Variants in CIMAP1D observed in about 807,000 individuals in gnomAD.
CIMAP1D encodes CIMAP1 family member D, also known as protein CIMAP1D.
the CIMAP1D span, among the ~76,000 whole-genome samples, chr19:478,135 G>C: frequency 1.1e-4 from 16 of 152,306 alleles, no homozygotes; most frequent in Admixed American, 9.8e-4. Flanking sequence ...GATGGGTGCC[G>C]AGGAGGGAGA....
At chr19:472,278 GCTTC>G in the CIMAP1D span, 1 of 533,150 alleles carries the variant, frequency 1.9e-6, no homozygotes. Flanking sequence ...AGCCCTGCCT[GCTTC>G]CTGCCGCACT....
chr19:471,973 C>A, the CIMAP1D span, among the ~76,000 whole-genome samples: 1 of 152,298 alleles, frequency 6.6e-6, no homozygotes, highest in Middle Eastern at 3.4e-3. Flanking sequence ...GTCCCAATCT[C>A]CTGACCTCGT....
chr19:487,581 G>A, the CIMAP1D span, among the ~76,000 whole-genome samples: 4 of 151,028 alleles, frequency 2.6e-5, no homozygotes, highest in Non-Finnish European at 5.9e-5. Flanking sequence ...GAGGCGGGAG[G>A]ATTGCTTGAG....
At chr19:486,640 A>T in the CIMAP1D span, among the ~76,000 whole-genome samples, 79 of 151,518 alleles carry the variant, frequency 5.2e-4, no homozygotes, top group African/African-American at 1.9e-3. Flanking sequence ...TGGGGCCGGG[A>T]GCGGTGGCTC....
the CIMAP1D span, among the ~76,000 whole-genome samples, chr19:483,202 C>T: frequency 6.6e-6 from 1 of 151,920 alleles, no homozygotes; most frequent in African/African-American, 2.4e-5. Flanking sequence ...CACTCAGCAG[C>T]TGACTGCTGC....
At chr19:476,814 A>ATT in the CIMAP1D span, among the ~76,000 whole-genome samples, 1 of 152,208 alleles carries the variant, frequency 6.6e-6, no homozygotes, top group African/African-American at 2.4e-5. Flanking sequence ...AAGTTAGAAA[A>ATT]TTTTCAAACT....
At chr19:472,397 CA>C in the CIMAP1D span, 1 of 1,534,906 alleles carries the variant, frequency 6.5e-7, no homozygotes, top group Admixed American at 2.0e-5. Context: ...GCCTTACCCT[CA>C]CTGGGCCTCC....
At chr19:467,817 A>C in the CIMAP1D span, 2 of 1,174,312 alleles carry the variant, frequency 1.7e-6, no homozygotes, top group South Asian at 1.4e-5. Context: ...TGCCTGCCCC[A>C]CCGCCCGGCC....
chr19:490,309 T>G, the CIMAP1D span: 4 of 258,514 alleles, frequency 1.5e-5, no homozygotes, highest in African/African-American at 6.8e-5. Context: ...TGAGCCGAGA[T>G]AGCACCACTG....
chr19:488,595 G>A, the CIMAP1D span, among the ~76,000 whole-genome samples: 2 of 152,172 alleles, frequency 1.3e-5, no homozygotes, highest in African/African-American at 4.8e-5. Context: ...CTGACGTCCG[G>A]GTACCCCCAA....
At chr19:485,702 C>T in the CIMAP1D span, among the ~76,000 whole-genome samples, 8 of 152,322 alleles carry the variant, frequency 5.3e-5, no homozygotes, top group East Asian at 1.4e-3. Context: ...ACACATCCTC[C>T]GGCTGCAGAT....
chr19:477,592 C>CAA, the CIMAP1D span, among the ~76,000 whole-genome samples: 5 of 148,112 alleles, frequency 3.4e-5, no homozygotes, highest in African/African-American at 2.5e-5. Flanking sequence ...ACGTCAAAAT[C>CAA]AAAAAAAAGA....
At chr19:490,792 C>G in the CIMAP1D span, among the ~76,000 whole-genome samples, 1 of 151,840 alleles carries the variant, frequency 6.6e-6, no homozygotes, top group African/African-American at 2.4e-5. Context: ...GGGGAAACCC[C>G]GTCTCTATTA....
At chr19:465,397 G>A in the CIMAP1D span, among the ~76,000 whole-genome samples, 6 of 146,396 alleles carry the variant, frequency 4.1e-5, 1 homozygote, top group African/African-American at 1.5e-4. Flanking sequence ...TTGGATGGGC[G>A]GGTGGATGGG....
At chr19:471,054 CTG>C in the CIMAP1D span, among the ~76,000 whole-genome samples, 1,804 of 152,382 alleles carry the variant, frequency 0.012, 47 homozygotes, top group African/African-American at 0.041. Context: ...GGTGGAGAAA[CTG>C]GGGCTCAGGG....
At chr19:480,197 G>A in the CIMAP1D span, among the ~76,000 whole-genome samples, 1 of 152,254 alleles carries the variant, frequency 6.6e-6, no homozygotes, top group African/African-American at 2.4e-5. Flanking sequence ...TGGTGTGTAG[G>A]AGAAACAGCG....
the CIMAP1D span, chr19:489,838 G>A: frequency 5.3e-6 from 2 of 380,544 alleles, no homozygotes; most frequent in African/African-American, 2.1e-5. Flanking sequence ...TGGAGAGCGA[G>A]TCGTCCTCAG....
At chr19:472,863 G>T in the CIMAP1D span, among the ~76,000 whole-genome samples, 1 of 144,858 alleles carries the variant, frequency 6.9e-6, no homozygotes, top group Non-Finnish European at 1.5e-5. Flanking sequence ...GAGATACACG[G>T]TCACAGATGG....
chr19:472,344 G>A, the CIMAP1D span: 23 of 1,115,486 alleles, frequency 2.1e-5, no homozygotes, highest in Middle Eastern at 6.3e-4. Context: ...GCTCCTGGGG[G>A]GAGATTGGAG....
Sources: allele counts gnomAD v4.1 joint callset (sites outside exome capture counted in the v4.1 genomes callset), GRCh38; gene constraint gnomAD v4.1.1; transcripts MANE v1.5; gene names NCBI Gene and HGNC (gene_info 2026-07-23, HGNC 2026-07-21).